The following ANKH variants were observed in gnomAD, a reference collection of about 807,000 sequenced individuals.
The protein encoded by ANKH is ANKH inorganic pyrophosphate transport regulator, also known as mineralization regulator ANKH.
A neutral mutation model predicts 49.0 loss-of-function variants in ANKH; 15 were observed. The observed-to-expected ratio is 0.31, with a 90% CI of 0.20 to 0.47. The LOEUF is 0.47. Ranked by LOEUF, ANKH falls within the 20% of genes least tolerant of loss-of-function variation. The probability of loss-of-function intolerance (pLI) is 1.00; values close to 1 mark genes in which losing one functional copy is unlikely to be tolerated. For missense variants in ANKH, 429 were observed against 652.0 expected (o/e 0.66, Z 3.72); for synonymous variants, 273 against 260.0 (o/e 1.05, Z -0.48).
chr5:14,806,837 C>T (rs1016282764), intron 1 of ANKH, among the ~76,000 whole-genome samples: 4 of 152,232 alleles, frequency 2.6e-5, no homozygotes, highest in African/African-American at 9.6e-5. Flanking sequence ...AGGAGAAACA[C>T]GGCATGCAGT....
chr5:14,798,433 C>T lies in ANKH; in HGVS notation c.97-29242G>A, dbSNP rs1476355004. The T allele has an allele frequency of 4.5e-5, 69 of 1,536,390 alleles. No individual in the cohort carries two copies. The East Asian group carries it at 1.3e-3, about 29-fold the overall frequency. On this transcript the variant is annotated intron_variant, in intron 1 of 11. Coordinates refer to ENST00000284268, the MANE Select transcript of ANKH (RefSeq NM_054027.6). Reference sequence around the variant, plus strand: ...AGGCGAGCCGGGGGAATCCTGGGGTCGAGCGTTGTGGGAGGGGCAGGGAGG... The same window carrying T: ...AGGCGAGCCGGGGGAATCCTGGGGTTGAGCGTTGTGGGAGGGGCAGGGAGG...
At chr5:14,761,701 GT>G (rs149803863) in intron 2 of ANKH, among the ~76,000 whole-genome samples, 1,962 of 147,816 alleles carry the variant, frequency 0.013, 30 homozygotes, top group African/African-American at 0.046. Flanking sequence ...ACCCTATACC[GT>G]AAATCAATGA....
Position 14,769,053 on chromosome 5 carries a change from T to C in ANKH, c.235A>G (p.Ser79Gly). ...FKNVGLVFVN[S>G]KRDRTKAVLC... ...ACGGCTTTGGTCCTGTCTCTCTTGCTGTTCACAAACACCAGGCCCACATTT... is the reference window on the plus strand; with the variant it reads ...ACGGCTTTGGTCCTGTCTCTCTTGCCGTTCACAAACACCAGGCCCACATTT... The change falls in exon 2 of 12, where the codon AGC (serine) becomes GGC (glycine). Residue 79 changes from serine (S) to glycine (G), a missense_variant. Transcript: ENST00000284268. 1 of 1,614,244 alleles carries C rather than the reference T, an allele frequency of 6.2e-7. No homozygotes were observed. Among genetic ancestry groups the C allele is most frequent in the Admixed American group, 1.7e-5 (1 of 60,032 alleles).
chr5:14,721,398 G>A (rs1489304507), intron 8 of ANKH, among the ~76,000 whole-genome samples: 18 of 152,152 alleles, frequency 1.2e-4, no homozygotes, highest in Admixed American at 9.2e-4. Context: ...GCGGGGTATC[G>A]GAACTGGAAG....
At chr5:14,808,613 G>A (rs539364015) in intron 1 of ANKH, among the ~76,000 whole-genome samples, 59 of 152,204 alleles carry the variant, frequency 3.9e-4, no homozygotes, top group Admixed American at 3.9e-3. Flanking sequence ...TCAGAGAAAT[G>A]CAAATCAAAA....
At chr5:14,827,135 C>A (rs1367872724) in intron 1 of ANKH, among the ~76,000 whole-genome samples, 1 of 152,234 alleles carries the variant, frequency 6.6e-6, no homozygotes, top group Non-Finnish European at 1.5e-5. Context: ...TGCGCTCTGG[C>A]AGTTCGCACA....
chr5:14,793,033 TA>T (rs71307307), intron 1 of ANKH, among the ~76,000 whole-genome samples: 18 of 68,758 alleles, frequency 2.6e-4, no homozygotes, highest in African/African-American at 1.1e-3. Flanking sequence ...TATATATATA[TA>T]AAAATATATA....
intron 1 of ANKH, among the ~76,000 whole-genome samples, chr5:14,807,668 C>A (rs1192961378): frequency 6.6e-6 from 1 of 152,152 alleles, no homozygotes; most frequent in Non-Finnish European, 1.5e-5. Flanking sequence ...TATATGTCAG[C>A]AAAGTGGCAA....
chr5:14,714,663 A>G (rs1369131476), intron 9 of ANKH, among the ~76,000 whole-genome samples: 1 of 152,216 alleles, frequency 6.6e-6, no homozygotes, highest in African/African-American at 2.4e-5. Flanking sequence ...TTAGGCAGGC[A>G]GACAGACCCA....
intron 8 of ANKH, among the ~76,000 whole-genome samples, chr5:14,740,914 T>C (rs1561032500): frequency 6.6e-6 from 1 of 152,198 alleles, no homozygotes; most frequent in African/African-American, 2.4e-5. Context: ...ATATTTCTAT[T>C]GTATATGCGA....
At chr5:14,733,413 G>T (rs1738067020) in intron 8 of ANKH, among the ~76,000 whole-genome samples, 1 of 152,212 alleles carries the variant, frequency 6.6e-6, no homozygotes, top group Admixed American at 6.5e-5. Context: ...CCACAGACTA[G>T]CTAAAAGCAC....
intron 5 of ANKH, among the ~76,000 whole-genome samples, chr5:14,749,800 G>T (rs576770779): frequency 2.0e-5 from 3 of 152,194 alleles, no homozygotes; most frequent in Non-Finnish European, 4.4e-5. Context: ...TCTTATTCTC[G>T]GAGCTCTCAC....
intron 1 of ANKH, among the ~76,000 whole-genome samples, chr5:14,801,891 C>T (rs542346192): frequency 6.6e-6 from 1 of 152,264 alleles, no homozygotes; most frequent in East Asian, 1.9e-4. Flanking sequence ...TAGAAAAATG[C>T]CATCATGCAT....
chr5:14,717,089 G>C (rs1167708074), intron 8 of ANKH: 1 of 461,450 alleles, frequency 2.2e-6, no homozygotes, highest in Admixed American at 3.2e-5. Flanking sequence ...CCAAGAGTGG[G>C]TCATTTATTT....
intron 1 of ANKH, chr5:14,868,801 G>A (rs563505279): frequency 6.6e-6 from 1 of 151,272 alleles, no homozygotes; most frequent in African/African-American, 2.4e-5. Flanking sequence ...CTTAGCCTAA[G>A]CAATCCTCTA....
At chr5:14,735,252 A>G (rs1262363199) in intron 8 of ANKH, among the ~76,000 whole-genome samples, 2 of 152,208 alleles carry the variant, frequency 1.3e-5, no homozygotes, top group Non-Finnish European at 2.9e-5. Flanking sequence ...GTACCCACAA[A>G]AAATAAAAAT....
chr5:14,820,369 C>T (rs1025797887), intron 1 of ANKH, among the ~76,000 whole-genome samples: 6 of 152,152 alleles, frequency 3.9e-5, no homozygotes, highest in Admixed American at 3.9e-4. Flanking sequence ...AAAAGTTACT[C>T]TGACACTTGT....
chr5:14,846,245 T>C (rs190291158), intron 1 of ANKH, among the ~76,000 whole-genome samples: 10 of 152,156 alleles, frequency 6.6e-5, no homozygotes. Flanking sequence ...TGCGAGGAGG[T>C]CATAATCTTA....
rs542172238 is a variant in ANKH at position 14,808,775 on chromosome 5, G to C, written c.97-39584C>G. ...TTCAACCATTGTGGAAGTCAGTGTGGCGATTCCTCAGGGATCTAGAACTAG... is the reference window on the plus strand; with the variant it reads ...TTCAACCATTGTGGAAGTCAGTGTGCCGATTCCTCAGGGATCTAGAACTAG... On this transcript the variant is annotated intron_variant, in intron 1 of 11. Transcript: ENST00000284268. Among the ~76,000 whole-genome samples the C allele has an allele frequency of 2.9e-5, 4 of 139,382 alleles. No individual in the cohort carries two copies. The South Asian group carries it at 1.0e-3, about 36-fold the overall frequency. The allele number at this position is 139,382 out of a possible 152,430, so 91.4% of individuals were successfully genotyped here.
Sources: allele counts gnomAD v4.1 joint callset (sites outside exome capture counted in the v4.1 genomes callset), GRCh38; gene constraint gnomAD v4.1.1; transcripts MANE v1.5; gene names NCBI Gene and HGNC (gene_info 2026-07-23, HGNC 2026-07-21).